Variants in CPLANE1 observed in about 807,000 individuals in gnomAD.
CPLANE1 encodes the protein ciliogenesis and planar polarity effector complex subunit 1, also known as ciliogenesis and planar polarity effector 1.
Under a neutral mutation model 362.5 loss-of-function variants are expected in CPLANE1, and 263 were observed. The ratio of observed to expected loss-of-function variants is 0.73; its 90% CI spans 0.66 to 0.80. The LOEUF is 0.80. CPLANE1 is among the 30% of genes least tolerant of loss of function. The pLI, the probability that CPLANE1 is intolerant of heterozygous loss-of-function variation, is 0.00. For synonymous variants in CPLANE1, 1,212 were observed against 1,302.6 expected (o/e 0.93, Z 1.50); for missense variants, 3,461 against 3,793.4 (o/e 0.91, Z 2.30).
chr5:37,096,236 A>G, the CPLANE1 span, among the ~76,000 whole-genome samples: 1 of 151,984 alleles, frequency 6.6e-6, no homozygotes, highest in Admixed American at 6.6e-5. Context: ...GAATAGAGAA[A>G]CCAGAAGTAA....
rs185273265 is a variant in CPLANE1 at position 37,132,774 on chromosome 5, T to C, written c.8792+5946A>G. ...GATTATTTTGCTGTGCAGAAGCTCT[T>C]TAATTACATCCCACTTGTCAATTTT... is the stretch of plus-strand genomic sequence containing the variant. On this transcript the variant is annotated intron_variant, in intron 46 of 52. Transcript: ENST00000651892. Among the ~76,000 whole-genome samples, 153 of 152,338 alleles carry C rather than the reference T, an allele frequency of 1.0e-3. 5 individuals are homozygous for C. The highest frequency in any genetic ancestry group is 6.7e-3 in the Admixed American group (103 of 15,302).
chr5:37,231,648 C>T (rs1025167128), intron 8 of CPLANE1, among the ~76,000 whole-genome samples: 2 of 152,084 alleles, frequency 1.3e-5, no homozygotes, highest in African/African-American at 2.4e-5. Context: ...TCAAGATCTA[C>T]TGATAGATTT....
At chr5:37,216,163 C>T (rs1225607034) in intron 15 of CPLANE1, among the ~76,000 whole-genome samples, 2 of 152,094 alleles carry the variant, frequency 1.3e-5, no homozygotes, top group African/African-American at 2.4e-5. Flanking sequence ...TTGTCTGTAC[C>T]ATTAGATCTG....
chr5:37,120,121 TA>T (rs1762218744), intron 50 of CPLANE1, 94 bp downstream of exon 50: 1 of 1,255,286 alleles, frequency 8.0e-7, no homozygotes, highest in Non-Finnish European at 1.1e-6. Context: ...TCCTTTTTAC[TA>T]AGACTTATAC....
intron 20 of CPLANE1, among the ~76,000 whole-genome samples, chr5:37,197,269 T>C (rs549061304): frequency 2.6e-5 from 4 of 152,334 alleles, no homozygotes; most frequent in South Asian, 2.1e-4. Context: ...AGGCTTGCAA[T>C]TGATTTTCTC....
At chr5:37,186,195 C>T (rs1422363600) in intron 24 of CPLANE1, 91 bp downstream of exon 24, 2 of 706,492 alleles carry the variant, frequency 2.8e-6, no homozygotes, top group Non-Finnish European at 5.1e-6. Flanking sequence ...AATGCATAGA[C>T]ACATAAGCAA....
chr5:37,242,939 G>A (rs1168939749), intron 6 of CPLANE1, 74 bp downstream of exon 6: 7 of 974,328 alleles, frequency 7.2e-6, no homozygotes, highest in Non-Finnish European at 1.1e-5. Flanking sequence ...CCCAGTCTGG[G>A]TGACACAGCA....
At chr5:37,082,517 A>G in the CPLANE1 span, among the ~76,000 whole-genome samples, 7,473 of 152,252 alleles carry the variant, frequency 0.049, 635 homozygotes, top group African/African-American at 0.17. Flanking sequence ...CAGAGAGCCC[A>G]GATGTAAACC....
intron 46 of CPLANE1, among the ~76,000 whole-genome samples, chr5:37,127,622 G>A (rs1325742905): frequency 3.4e-5 from 5 of 148,958 alleles, no homozygotes; most frequent in Admixed American, 2.7e-4. Flanking sequence ...GGGTTTAAGC[G>A]ATTCTCCTGC....
At chr5:37,179,903 G>T in intron 28 of CPLANE1, 114 bp downstream of exon 28, 6 of 551,700 alleles carry the variant, frequency 1.1e-5, no homozygotes, top group South Asian at 3.5e-5. Flanking sequence ...TTTATTTTAG[G>T]CTACTGTAAA....
chr5:37,135,594 G>C (rs1767454219), intron 46 of CPLANE1, among the ~76,000 whole-genome samples: 1 of 152,160 alleles, frequency 6.6e-6, no homozygotes, highest in African/African-American at 2.4e-5. Flanking sequence ...CAGCACTTTG[G>C]GAAGTCGAGG....
At chr5:37,168,224 AT>A (rs10706378) in intron 34 of CPLANE1, among the ~76,000 whole-genome samples, 76,741 of 152,006 alleles carry the variant, frequency 0.5, 22,333 homozygotes, top group African/African-American at 0.82. Context: ...CTAATCACAG[AT>A]TCTGGGTCTA....
chr5:37,188,713 C>T (rs1784681054), intron 21 of CPLANE1, among the ~76,000 whole-genome samples: 1 of 152,214 alleles, frequency 6.6e-6, no homozygotes, highest in Non-Finnish European at 1.5e-5. Flanking sequence ...AAGACACTTG[C>T]ACACGCTTCT....
At position 37,107,290 on chromosome 5, in the gene CPLANE1, A is replaced by C; in HGVS notation, c.*312T>G. On this transcript the variant is annotated 3_prime_UTR_variant, in exon 53 of 53. Coordinates refer to ENST00000651892, the MANE Select transcript of CPLANE1 (RefSeq NM_001384732.1). ...GGTAATAAAGGAGGAGGCAAGATAG[A>C]GGGTTTTTATTGAAAGTAGGTTATG... 9.3e-7 allele frequency: 1 copy of C among 1,074,362 alleles called. No homozygotes were observed. Among genetic ancestry groups the C allele is most frequent in the Non-Finnish European group, 1.1e-6 (1 of 888,756 alleles). 66.6% of individuals were successfully genotyped at this position (1,074,362 alleles called of 1,614,324 possible).
intron 43 of CPLANE1, among the ~76,000 whole-genome samples, chr5:37,144,318 G>T (rs562734075): frequency 6.8e-6 from 1 of 146,826 alleles, no homozygotes; most frequent in South Asian, 2.2e-4. Flanking sequence ...GTGAGGCAGA[G>T]AATTGCTTGA....
chr5:37,182,736 G>C (rs1361008637), intron 26 of CPLANE1, 24 bp downstream of exon 26: 1 of 1,370,912 alleles, frequency 7.3e-7, no homozygotes, highest in South Asian at 1.2e-5. Context: ...TCATTTGTAA[G>C]TAATAAACAA....
At chr5:37,172,728 G>A (rs1480865037) in intron 32 of CPLANE1, among the ~76,000 whole-genome samples, 1 of 152,212 alleles carries the variant, frequency 6.6e-6, no homozygotes, top group African/African-American at 2.4e-5. Context: ...GCTCACGCCT[G>A]TAATCCTAGC....
Position 37,226,308 on chromosome 5 carries a change from G to C in CPLANE1, c.2287C>G (p.His763Asp), listed in dbSNP as rs1306899067. Reference protein sequence around the residue: ...QVVNPVQQPGHRLLILWRILY... With the variant: ...QVVNPVQQPGDRLLILWRILY... ...TATTAAAATAAGTGATTATACCTGT[G>C]TCCTGGCTGTTGCACAGGATTTACT... is the stretch of plus-strand genomic sequence containing the variant. Residue 763 changes from histidine (H) to aspartate (D), a missense_variant, in exon 12 of 53, where the codon CAC becomes GAC. Coordinates refer to ENST00000651892, the MANE Select transcript of CPLANE1 (RefSeq NM_001384732.1). 11 of 1,509,172 alleles carry C rather than the reference G, an allele frequency of 7.3e-6. No homozygotes were observed. In the East Asian group the frequency reaches 2.7e-4, roughly 37 times the overall value. 93.5% of individuals were successfully genotyped at this position (1,509,172 alleles called of 1,614,324 possible).
chr5:37,168,180 G>A (rs1444193495), intron 34 of CPLANE1, among the ~76,000 whole-genome samples: 1 of 151,722 alleles, frequency 6.6e-6, no homozygotes, highest in Non-Finnish European at 1.5e-5. Flanking sequence ...GGACTTGGTG[G>A]GTTTATAAAA....
Sources: allele counts gnomAD v4.1 joint callset (sites outside exome capture counted in the v4.1 genomes callset), GRCh38; gene constraint gnomAD v4.1.1; transcripts MANE v1.5; gene names NCBI Gene and HGNC (gene_info 2026-07-23, HGNC 2026-07-21).